Variants in ANXA2 observed in about 807,000 individuals in gnomAD.
The protein encoded by ANXA2 is annexin A2.
A neutral mutation model predicts 47.3 loss-of-function variants in ANXA2; 28 were observed. The observed-to-expected ratio is 0.59, with a 90% CI of 0.44 to 0.81. The LOEUF (loss-of-function observed/expected upper bound fraction) is 0.81. ANXA2 is among the 40% of genes least tolerant of loss of function. The pLI is 0.00. For missense variants in ANXA2, 384 were observed against 414.3 expected, an observed-to-expected ratio of 0.93 and a Z score of 0.64; for synonymous variants, 172 against 155.5, an observed-to-expected ratio of 1.11 and a Z score of -0.79.
intron 1 of ANXA2, among the ~76,000 whole-genome samples, chr15:60,389,057 G>A (rs2062972951): frequency 6.6e-6 from 1 of 152,114 alleles, no homozygotes; most frequent in African/African-American, 2.4e-5. Context: ...CCGAAGCAGA[G>A]GTGAAACTCC....
chr15:60,359,673 C>G (rs2062482881), intron 5 of ANXA2, among the ~76,000 whole-genome samples: 1 of 152,218 alleles, frequency 6.6e-6, no homozygotes, highest in East Asian at 1.9e-4. Context: ...CACCCTCACT[C>G]TTGTGTTCTC....
chr15:60,361,906 C>CTT (rs552103518), intron 4 of ANXA2, among the ~76,000 whole-genome samples: 1 of 146,216 alleles, frequency 6.8e-6, no homozygotes. Context: ...CTTCTTTTCG[C>CTT]TTTTTTTTTT....
rs1566930056 is a variant in ANXA2 at position 60,352,490 on chromosome 15, C to G, written c.589-14G>C. 2 of 1,597,786 alleles carry G rather than the reference C, an allele frequency of 1.3e-6. No homozygotes were observed. Among genetic ancestry groups the G allele is most frequent in the Non-Finnish European group, 1.7e-6 (2 of 1,167,394 alleles). On this transcript the variant is annotated splice_polypyrimidine_tract_variant and intron_variant, in intron 8 of 12. Coordinates refer to ENST00000451270, the MANE Select transcript of ANXA2 (RefSeq NM_004039.3). This position sits in a 1 kb window ranked among gnomAD's most constrained non-coding sequence, Gnocchi z 4.2. Reference sequence around the variant, plus strand: ...GTCATAGAGATCCTACGAGTACAACCAACCAGGAAAAGTTAACTACACATC... The same window carrying G: ...GTCATAGAGATCCTACGAGTACAACGAACCAGGAAAAGTTAACTACACATC...
At chr15:60,368,372 T>C (rs2140867895) in intron 3 of ANXA2, among the ~76,000 whole-genome samples, 1 of 151,940 alleles carries the variant, frequency 6.6e-6, no homozygotes, top group African/African-American at 2.4e-5. Flanking sequence ...GATATGAGAT[T>C]CAGCTTCAAA....
chr15:60,381,805 T>G (rs926532033), intron 3 of ANXA2, among the ~76,000 whole-genome samples: 1 of 152,074 alleles, frequency 6.6e-6, no homozygotes, highest in African/African-American at 2.4e-5. Flanking sequence ...TAAAGGGGAC[T>G]TGGAACAAAA....
At chr15:60,367,069 A>T (rs866934994) in intron 3 of ANXA2, among the ~76,000 whole-genome samples, 2,472 of 6,964 alleles carry the variant, frequency 0.35, 692 homozygotes, top group Admixed American at 0.5. Flanking sequence ...GGGAGGGGGG[A>T]GGGGGGATCA....
At chr15:60,348,518 G>T (rs760725305) in intron 12 of ANXA2, among the ~76,000 whole-genome samples, 1 of 152,160 alleles carries the variant, frequency 6.6e-6, no homozygotes, top group Non-Finnish European at 1.5e-5. Context: ...GCCGAGGCGG[G>T]CGGATCACGA....
At chr15:60,376,692 G>A (rs939902531) in intron 3 of ANXA2, among the ~76,000 whole-genome samples, 2 of 152,170 alleles carry the variant, frequency 1.3e-5, no homozygotes, top group African/African-American at 2.4e-5. Flanking sequence ...CTGACAGTTC[G>A]TCTGTGAGAA....
chr15:60,392,525 A>G (rs982954998), intron 1 of ANXA2, among the ~76,000 whole-genome samples: 3 of 148,218 alleles, frequency 2.0e-5, no homozygotes, highest in African/African-American at 7.4e-5. Flanking sequence ...AAGAAGAGTA[A>G]AAGTTTACAA....
At chr15:60,359,996 C>G (rs1014680909) in intron 5 of ANXA2, among the ~76,000 whole-genome samples, 15 of 152,228 alleles carry the variant, frequency 9.9e-5, no homozygotes, top group Non-Finnish European at 1.6e-4. Context: ...GTGGCTCACG[C>G]CTGTAATCCT....
chr15:60,359,786 C>G (rs1407959013), intron 5 of ANXA2, among the ~76,000 whole-genome samples: 1 of 152,136 alleles, frequency 6.6e-6, no homozygotes, highest in East Asian at 1.9e-4. Context: ...AAAACAGACT[C>G]GGAATAAAAA....
At chr15:60,391,155 G>C (rs900196054) in intron 1 of ANXA2, 8 of 152,302 alleles carry the variant, frequency 5.3e-5, no homozygotes, top group Admixed American at 3.9e-4. Context: ...TGAGAGTCTA[G>C]TCCAGGGTCA....
Position 60,354,182 on chromosome 15 carries a change from T to A in ANXA2, c.560A>T (p.Asp187Val). ...GRRAEDGSVI[D>V]YELIDQDARD... ...AGCATCTTGGTCAATCAGTTCATAA[T>A]CAATGACAGAGCCATCCTCTGCTCT... The change falls in exon 8 of 13, where the codon GAT (aspartate) becomes GTT (valine). Residue 187 changes from aspartate (D) to valine (V), a missense_variant. Coordinates refer to ENST00000451270, the MANE Select transcript of ANXA2 (RefSeq NM_004039.3). 2 of 1,613,904 alleles carry A rather than the reference T, an allele frequency of 1.2e-6. No homozygotes were observed. Among genetic ancestry groups the A allele is most frequent in the Non-Finnish European group, 8.5e-7 (1 of 1,179,868 alleles).
At chr15:60,354,985 A>G (rs2062405624) in intron 7 of ANXA2, among the ~76,000 whole-genome samples, 1 of 152,178 alleles carries the variant, frequency 6.6e-6, no homozygotes, top group Non-Finnish European at 1.5e-5. Flanking sequence ...GCTTAAGCTG[A>G]AACTTCAAGG....
At chr15:60,372,921 C>A (rs1325345179) in intron 3 of ANXA2, among the ~76,000 whole-genome samples, 1 of 151,984 alleles carries the variant, frequency 6.6e-6, no homozygotes, top group Non-Finnish European at 1.5e-5. Flanking sequence ...TCCCAAAGTG[C>A]TGGGATTACA....
intron 1 of ANXA2, among the ~76,000 whole-genome samples, chr15:60,387,356 TC>T (rs1283554564): frequency 1.3e-5 from 2 of 152,156 alleles, no homozygotes; most frequent in African/African-American, 4.8e-5. Context: ...TCAGACAGCC[TC>T]CCCACCCCAA....
intron 3 of ANXA2, among the ~76,000 whole-genome samples, chr15:60,380,804 CAAAAAAAAAAA>C (rs61570476): frequency 3.3e-5 from 2 of 61,194 alleles, no homozygotes; most frequent in African/African-American, 6.3e-5. Context: ...AACTCCATCT[CAAAAAAAAAAA>C]AAAAAAAAAA....
chr15:60,376,313 C>T (rs762947284), intron 3 of ANXA2, among the ~76,000 whole-genome samples: 4 of 151,414 alleles, frequency 2.6e-5, no homozygotes, highest in Admixed American at 2.0e-4. Context: ...ACCCGGGAGG[C>T]GAGGTTGCAG....
At position 60,392,443 on chromosome 15, in the gene ANXA2, A is replaced by G. The variant is rs1436313992; in HGVS notation, c.-12+5500T>C. Among the ~76,000 whole-genome samples, 4 of 152,030 alleles carry G rather than the reference A, an allele frequency of 2.6e-5. No homozygotes were observed. The East Asian group carries it at 5.8e-4, about 22-fold the overall frequency. On this transcript the variant is annotated intron_variant, in intron 1 of 12. Transcript: ENST00000451270. ...AACTCTATAGATTTTATTGTATTCT[A>G]TTGCTTCACTACGAAAGTGCAGTTA... is the stretch of plus-strand genomic sequence containing the variant.
Sources: gnomAD v4.1 joint callset for allele counts (sites outside exome capture counted in the v4.1 genomes callset) on GRCh38, gnomAD v4.1.1 for gene constraint, Gnocchi (gnomAD v3.1) non-coding constraint, MANE v1.5 for transcripts, NCBI Gene and HGNC (gene_info 2026-07-23, HGNC 2026-07-21) for gene names.